Variants in CLEC16A observed in about 807,000 individuals in gnomAD.
CLEC16A encodes C-type lectin domain containing 16A, also known as protein CLEC16A.
Under a neutral mutation model 109.5 loss-of-function variants are expected in CLEC16A, and 51 were observed. That is an observed-to-expected ratio of 0.47 (90% CI 0.37 to 0.59). CLEC16A has a LOEUF of 0.59. CLEC16A is among the 20% of genes least tolerant of loss of function. The pLI is 0.00. For missense variants in CLEC16A, 1,339 were observed against 1,394.0 expected, an observed-to-expected ratio of 0.96 and a Z score of 0.63; for synonymous variants, 673 against 564.2, an observed-to-expected ratio of 1.19 and a Z score of -2.73.
At chr16:10,969,962 G>A (rs925973439) in intron 4 of CLEC16A, among the ~76,000 whole-genome samples, 6 of 152,196 alleles carry the variant, frequency 3.9e-5, no homozygotes, top group Admixed American at 3.9e-4. Flanking sequence ...CATAGACGTT[G>A]CTATTGTTGA....
chr16:11,064,952 G>C (rs917876920), intron 19 of CLEC16A, among the ~76,000 whole-genome samples: 1 of 152,150 alleles, frequency 6.6e-6, no homozygotes, highest in African/African-American at 2.4e-5. Context: ...TCATCCTGCT[G>C]GGCTCCATGG....
rs34576806 is a variant in CLEC16A, at chr16:11,077,964, CGTGTGTGTGTGTGTGT to C, written c.2116+16973_2116+16988del. ...GAAACTCCATCTCTACAAAAAAAAA[CGTGTGTGTGTGTGTGT>C]GTGTGTGTGTGTGTGTGTGTGTGTG... On this transcript the variant is annotated intron_variant, in intron 19 of 23. Transcript: ENST00000409790. Among the ~76,000 whole-genome samples, 133 of 135,622 alleles carry C rather than the reference CGTGTGTGTGTGTGTGT, an allele frequency of 9.8e-4. 1 individual carries two copies. The highest frequency in any genetic ancestry group is 1.8e-3 in the South Asian group (7 of 3,844). The allele number at this position is 135,622 out of a possible 152,430, so 89.0% of individuals were successfully genotyped here.
At chr16:11,131,979 C>T (rs2053237508) in intron 22 of CLEC16A, among the ~76,000 whole-genome samples, 1 of 152,256 alleles carries the variant, frequency 6.6e-6, no homozygotes, top group Non-Finnish European at 1.5e-5. Context: ...TCCTTCTCAG[C>T]ACTCAGGGCT....
intron 19 of CLEC16A, 40 bp downstream of exon 19, chr16:11,061,062 A>T: frequency 6.5e-7 from 1 of 1,546,256 alleles, no homozygotes; most frequent in Non-Finnish European, 8.7e-7. Flanking sequence ...GGGCTGGGGG[A>T]CATGGGACAT....
Position 11,003,307 on chromosome 16 carries a change from T to C in CLEC16A, c.1303+2T>C. ...TCAAGACGAGTGGGGAGAGTGAAGG[T>C]GAGTGTCCCCATGAACGCCGCCCTG... On this transcript the variant is annotated splice_donor_variant, in intron 11 of 23. Transcript: ENST00000409790. LOFTEE classifies it high-confidence loss of function. The C allele has an allele frequency of 6.2e-7, 1 of 1,609,848 alleles. No individual in the cohort carries two copies. The highest frequency in any genetic ancestry group is 8.5e-7 in the Non-Finnish European group (1 of 1,178,346).
At position 11,178,935 on chromosome 16, in the gene CLEC16A, C is replaced by T; in HGVS notation, c.*245C>T. 2.3e-6 allele frequency: 1 copy of T among 444,000 alleles called. No homozygotes were observed. The highest frequency in any genetic ancestry group is 4.0e-6 in the Non-Finnish European group (1 of 252,676). 27.5% of individuals were successfully genotyped at this position (444,000 alleles called of 1,614,324 possible). Reference sequence around the variant, plus strand: ...GAGACACCGCGGCGAATGCAGATGACTGCACCGGCCACTCAGGGAGCTGCC... The same window carrying T: ...GAGACACCGCGGCGAATGCAGATGATTGCACCGGCCACTCAGGGAGCTGCC... On this transcript the variant is annotated 3_prime_UTR_variant, in exon 24 of 24. Coordinates refer to ENST00000409790, the MANE Select transcript of CLEC16A (RefSeq NM_015226.3). This position sits in a 1 kb window ranked among gnomAD's most constrained non-coding sequence, Gnocchi z 6.5.
At chr16:11,061,057 G>C (rs767776004) in intron 19 of CLEC16A, 35 bp downstream of exon 19, 2 of 1,571,958 alleles carry the variant, frequency 1.3e-6, no homozygotes, top group South Asian at 1.2e-5. Flanking sequence ...GCAGGGGGCT[G>C]GGGGACATGG....
intron 15 of CLEC16A, among the ~76,000 whole-genome samples, chr16:11,043,482 A>G (rs1035413175): frequency 2.0e-5 from 3 of 152,146 alleles, no homozygotes; most frequent in Admixed American, 6.5e-5. Context: ...CTGTATATTA[A>G]CAGCTTCTCA....
At chr16:10,964,876 G>T (rs1382292543) in intron 3 of CLEC16A, among the ~76,000 whole-genome samples, 1 of 152,168 alleles carries the variant, frequency 6.6e-6, no homozygotes, top group Non-Finnish European at 1.5e-5. Flanking sequence ...CGTGTGTGTG[G>T]GTGGGGGTTG....
At position 11,042,287 on chromosome 16, in the gene CLEC16A, G is replaced by A. The variant is rs766292054; in HGVS notation, c.1694G>A (p.Ser565Asn). Residue 565 changes from serine (S) to asparagine (N), a missense_variant, in exon 15 of 24, where the codon AGC becomes AAC. Physicochemically the swap from Ser to Asn is conservative, Grantham distance 46. This residue lies in a region of CLEC16A where 1,061 missense variants were observed against 1,006.8 expected (regional missense o/e 1.05). Transcript: ENST00000409790. ...ATCCGGCTGGCGACGCTGGAGCTGA[G>A]CTGCCTGCTTCTGAAGCAGCAAGTC... is the stretch of plus-strand genomic sequence containing the variant. ...GKIRLATLELSCLLLKQQVLM... is the reference protein window; with the variant it reads ...GKIRLATLELNCLLLKQQVLM... The A allele has an allele frequency of 1.9e-6, 3 of 1,589,434 alleles. No individual in the cohort carries two copies. Among genetic ancestry groups the A allele is most frequent in the Non-Finnish European group, 2.6e-6 (3 of 1,168,374 alleles).
chr16:11,133,033 C>G (rs1265462528), intron 22 of CLEC16A, among the ~76,000 whole-genome samples: 1 of 152,152 alleles, frequency 6.6e-6, no homozygotes, highest in South Asian at 2.1e-4. Flanking sequence ...AAGGGCTAAG[C>G]TGGACTTTAT....
intron 19 of CLEC16A, among the ~76,000 whole-genome samples, chr16:11,091,594 C>T (rs1345319658): frequency 2.6e-5 from 4 of 152,154 alleles, no homozygotes; most frequent in South Asian, 2.1e-4. Flanking sequence ...ATGGGTACTC[C>T]GCAGAGTCTG....
intron 19 of CLEC16A, among the ~76,000 whole-genome samples, chr16:11,110,071 G>T (rs2051482298): frequency 6.6e-6 from 1 of 152,238 alleles, no homozygotes; most frequent in African/African-American, 2.4e-5. Context: ...TTATCGCTCA[G>T]TAATGGGCTA....
At chr16:11,142,190 G>A (rs948139323) in intron 22 of CLEC16A, among the ~76,000 whole-genome samples, 3 of 152,208 alleles carry the variant, frequency 2.0e-5, no homozygotes, top group African/African-American at 7.2e-5. Context: ...GGTAGGTGGT[G>A]TTGCTGAAAC....
At chr16:11,157,199 A>G in intron 22 of CLEC16A, 1 of 1,249,734 alleles carries the variant, frequency 8.0e-7, no homozygotes, top group South Asian at 1.4e-5. Context: ...TTGAAAAGCA[A>G]TCAGAAATAA....
chr16:11,097,803 A>G (rs554704914), intron 19 of CLEC16A, among the ~76,000 whole-genome samples: 4 of 152,300 alleles, frequency 2.6e-5, no homozygotes, highest in African/African-American at 9.6e-5. Flanking sequence ...TTGTTTTTCA[A>G]TTATCCATGG....
At chr16:11,045,151 C>G (rs1380909157) in intron 16 of CLEC16A, among the ~76,000 whole-genome samples, 9 of 151,872 alleles carry the variant, frequency 5.9e-5, no homozygotes, top group Non-Finnish European at 1.3e-4. Context: ...CAAGACCATT[C>G]TGGCTAACAT....
intron 22 of CLEC16A, among the ~76,000 whole-genome samples, chr16:11,132,584 G>A (rs887466993): frequency 1.3e-5 from 2 of 152,192 alleles, no homozygotes; most frequent in African/African-American, 2.4e-5. Context: ...ATACCTAGGA[G>A]TAAAAAGTAG....
At chr16:11,041,774 C>G (rs1214590568) in intron 14 of CLEC16A, 1 of 153,936 alleles carries the variant, frequency 6.5e-6, no homozygotes, top group Admixed American at 6.5e-5. Flanking sequence ...TGAGGTTGAG[C>G]CTTACTGGCT....
Sources: allele counts gnomAD v4.1 joint callset (sites outside exome capture counted in the v4.1 genomes callset), GRCh38; gene constraint gnomAD v4.1.1; regional missense constraint gnomAD v4.1.1; non-coding constraint Gnocchi (gnomAD v3.1); transcripts MANE v1.5; gene names NCBI Gene and HGNC (gene_info 2026-07-23, HGNC 2026-07-21).